LHFPL3: variants seen among roughly 807,000 people sequenced by gnomAD.
LHFPL3 encodes the protein LHFPL tetraspan subfamily member 3 protein.
LHFPL3 carries 5 observed loss-of-function variants against 19.3 expected under a neutral mutation model. The observed-to-expected ratio is 0.26, with a 90% CI of 0.14 to 0.54. LHFPL3 has a LOEUF of 0.54. Among genes scored for constraint, LHFPL3 ranks in the 20% least tolerant of loss-of-function variants. The pLI, the probability that LHFPL3 is intolerant of heterozygous loss-of-function variation, is 0.94. For synonymous variants in LHFPL3, 133 were observed against 126.2 expected, an observed-to-expected ratio of 1.05 and a Z score of -0.36; for missense variants, 249 against 307.4, an observed-to-expected ratio of 0.81 and a Z score of 1.42.
chr7:104,603,174 TC>T (rs1791019788), intron 1 of LHFPL3, among the ~76,000 whole-genome samples: 1 of 145,672 alleles, frequency 6.9e-6, no homozygotes, highest in African/African-American at 2.6e-5. Flanking sequence ...TTTCTTTCTT[TC>T]TTTCTTTCTT....
intron 1 of LHFPL3, among the ~76,000 whole-genome samples, chr7:104,603,094 C>CTTTCTT (rs1418908555): frequency 2.3e-5 from 3 of 129,764 alleles, no homozygotes; most frequent in African/African-American, 6.1e-5. Flanking sequence ...TTCTTTCTTT[C>CTTTCTT]TTTCTTTCTT....
intron 1 of LHFPL3, among the ~76,000 whole-genome samples, chr7:104,332,178 A>T (rs1331721675): frequency 4.0e-5 from 6 of 150,898 alleles, no homozygotes; most frequent in Non-Finnish European, 1.5e-5. Context: ...TAATATACTA[A>T]CATCCTATAT....
chr7:104,783,696 T>C (rs1388991412), intron 2 of LHFPL3, among the ~76,000 whole-genome samples: 1 of 152,212 alleles, frequency 6.6e-6, no homozygotes, highest in African/African-American at 2.4e-5. Flanking sequence ...CTGTTGAATC[T>C]ACCTAAATCC....
chr7:104,346,849 G>A (rs1435277870), intron 1 of LHFPL3, among the ~76,000 whole-genome samples: 1 of 150,534 alleles, frequency 6.6e-6, no homozygotes, highest in Non-Finnish European at 1.5e-5. Flanking sequence ...GGATCTCTTT[G>A]GGATTAGTTT....
chr7:104,816,173 T>C (rs1366286635), intron 2 of LHFPL3, among the ~76,000 whole-genome samples: 2 of 152,204 alleles, frequency 1.3e-5, no homozygotes, highest in African/African-American at 4.8e-5. Context: ...GTCGTTGTTG[T>C]TGTTTTACAG....
chr7:104,361,233 A>G (rs936140338), intron 1 of LHFPL3, among the ~76,000 whole-genome samples: 19 of 152,230 alleles, frequency 1.2e-4, no homozygotes, highest in Admixed American at 1.2e-3. Flanking sequence ...CCTTGGTAGC[A>G]TCATCCCCTT....
At chr7:104,704,214 T>A (rs939007307) in intron 1 of LHFPL3, among the ~76,000 whole-genome samples, 1 of 152,180 alleles carries the variant, frequency 6.6e-6, no homozygotes, top group African/African-American at 2.4e-5. Context: ...AAAGCAGGGC[T>A]TTGTATATTG....
intron 1 of LHFPL3, among the ~76,000 whole-genome samples, chr7:104,650,879 T>C (rs993170135): frequency 5.9e-5 from 9 of 152,180 alleles, no homozygotes; most frequent in Non-Finnish European, 1.3e-4. Context: ...CTAAGAAACT[T>C]GTAAGATGAA....
chr7:104,375,399 AT>A (rs1281775008), intron 1 of LHFPL3, among the ~76,000 whole-genome samples: 1 of 152,158 alleles, frequency 6.6e-6, no homozygotes, highest in Non-Finnish European at 1.5e-5. Context: ...AACAATAAAC[AT>A]TTAACATGGT....
chr7:104,603,286 C>T (rs1791022885), intron 1 of LHFPL3, among the ~76,000 whole-genome samples: 1 of 151,774 alleles, frequency 6.6e-6, no homozygotes, highest in African/African-American at 2.4e-5. Context: ...GCCTTGACTT[C>T]CAAGGCCCAA....
intron 1 of LHFPL3, among the ~76,000 whole-genome samples, chr7:104,377,996 T>A (rs1173688862): frequency 6.6e-6 from 1 of 152,236 alleles, no homozygotes; most frequent in Non-Finnish European, 1.5e-5. Context: ...TCTTTCTACC[T>A]ATTCTTTTTT....
At chr7:104,442,440 T>C (rs996779595) in intron 1 of LHFPL3, among the ~76,000 whole-genome samples, 4 of 152,202 alleles carry the variant, frequency 2.6e-5, no homozygotes, top group African/African-American at 9.6e-5. Flanking sequence ...TCTGTTTAAT[T>C]GAGCTAAATG....
chr7:104,414,315 G>A (rs957614470), intron 1 of LHFPL3, among the ~76,000 whole-genome samples: 2 of 152,114 alleles, frequency 1.3e-5, no homozygotes, highest in Non-Finnish European at 2.9e-5. Flanking sequence ...GGAATGAGAA[G>A]AGGAAATTGC....
At chr7:104,458,745 A>T (rs1792599827) in intron 1 of LHFPL3, among the ~76,000 whole-genome samples, 1 of 151,086 alleles carries the variant, frequency 6.6e-6, no homozygotes, top group South Asian at 2.1e-4. Flanking sequence ...AAAAACCTTT[A>T]TGTGGTGTTA....
intron 1 of LHFPL3, among the ~76,000 whole-genome samples, chr7:104,347,305 CTATT>C (rs1790089081): frequency 6.6e-6 from 1 of 152,114 alleles, no homozygotes; most frequent in African/African-American, 2.4e-5. Flanking sequence ...TGCTACTCCA[CTATT>C]TATTGAGTAA....
At chr7:104,380,962 T>C (rs1333211132) in intron 1 of LHFPL3, among the ~76,000 whole-genome samples, 1 of 152,212 alleles carries the variant, frequency 6.6e-6, no homozygotes. Flanking sequence ...TTCAATTAAA[T>C]GCATAGAGAC....
intron 1 of LHFPL3, among the ~76,000 whole-genome samples, chr7:104,541,635 C>T (rs974112441): frequency 6.6e-6 from 1 of 152,102 alleles, no homozygotes; most frequent in African/African-American, 2.4e-5. Context: ...AGCAAGATTA[C>T]TGGAAAGGAT....
chr7:104,388,338 T>G (rs1790991330), intron 1 of LHFPL3, among the ~76,000 whole-genome samples: 3 of 152,172 alleles, frequency 2.0e-5, no homozygotes, highest in Non-Finnish European at 2.9e-5. Context: ...TAATTCTGTT[T>G]TAAGAGAGAA....
At chr7:104,485,985 A>C (rs912208464) in intron 1 of LHFPL3, among the ~76,000 whole-genome samples, 16 of 152,362 alleles carry the variant, frequency 1.1e-4, no homozygotes, top group African/African-American at 3.8e-4. Context: ...AAACGTCTTC[A>C]GTAATCCTTT....
Sources: allele counts gnomAD v4.1 joint callset (sites outside exome capture counted in the v4.1 genomes callset), GRCh38; gene constraint gnomAD v4.1.1; transcripts MANE v1.5; gene names NCBI Gene and HGNC (gene_info 2026-07-23, HGNC 2026-07-21).